The following ZNF516 variants were observed in gnomAD, a reference collection of about 807,000 sequenced individuals.
ZNF516 encodes zinc finger protein 516.
ZNF516 carries 19 observed loss-of-function variants against 79.7 expected under a neutral mutation model. The ratio of observed to expected loss-of-function variants is 0.24; its 90% CI spans 0.17 to 0.35. ZNF516 has a LOEUF of 0.35. Ranked by LOEUF, ZNF516 falls within the 10% of genes least tolerant of loss-of-function variation. ZNF516 has a pLI of 1.00. For missense variants in ZNF516, 1,678 were observed against 1,679.5 expected, an observed-to-expected ratio of 1.00 and a Z score of 0.02; for synonymous variants, 877 against 739.5, an observed-to-expected ratio of 1.19 and a Z score of -3.02.
At chr18:76,464,138 A>G (rs1181243611) in intron 1 of ZNF516, among the ~76,000 whole-genome samples, 1 of 152,000 alleles carries the variant, frequency 6.6e-6, no homozygotes, top group Non-Finnish European at 1.5e-5. Flanking sequence ...AGCCTGGCCA[A>G]CATGGTAAAA....
At chr18:76,400,310 G>C (rs1253869102) in intron 3 of ZNF516, among the ~76,000 whole-genome samples, 2 of 152,158 alleles carry the variant, frequency 1.3e-5, no homozygotes, top group African/African-American at 4.8e-5. Context: ...TTTCACAGAG[G>C]TTTATGTTAC....
chr18:76,442,554 C>G lies in ZNF516; in HGVS notation c.501G>C (p.Pro167=), dbSNP rs1911755606. 1 of 1,599,034 alleles carries G rather than the reference C, an allele frequency of 6.3e-7. No homozygotes were observed. The highest frequency in any genetic ancestry group is 8.5e-7 in the Non-Finnish European group (1 of 1,179,448). Residue 167 remains proline, a synonymous_variant, in exon 3 of 7, where the codon CCG becomes CCC. Coordinates refer to ENST00000443185, the MANE Select transcript of ZNF516 (RefSeq NM_014643.4). The stretch of plus-strand genomic sequence containing the variant: ...ACTGGACCGCTGCCTTGGCCTCCCC[C>G]GGGGCGCATGCGGACCCCTCTGCCC... The part of the protein sequence containing the change: ...KKGAEGSACA[P]GEAKAAVQCS...
chr18:76,460,805 G>T (rs1201484918), intron 2 of ZNF516, among the ~76,000 whole-genome samples: 1 of 152,324 alleles, frequency 6.6e-6, no homozygotes, highest in East Asian at 1.9e-4. Flanking sequence ...AACCGGAGAA[G>T]CCATGCCACA....
intron 3 of ZNF516, among the ~76,000 whole-genome samples, chr18:76,391,110 T>A (rs1042990860): frequency 3.9e-5 from 6 of 152,004 alleles, no homozygotes; most frequent in Non-Finnish European, 7.4e-5. Context: ...GGACAGAGAT[T>A]GCACAAAGAA....
chr18:76,398,130 C>T (rs1227137067), intron 3 of ZNF516, among the ~76,000 whole-genome samples: 5 of 152,160 alleles, frequency 3.3e-5, no homozygotes, highest in African/African-American at 9.6e-5. Context: ...TTCCTATTGA[C>T]TCAACCATAA....
At chr18:76,449,313 G>A (rs889548225) in intron 2 of ZNF516, among the ~76,000 whole-genome samples, 3 of 152,164 alleles carry the variant, frequency 2.0e-5, no homozygotes, top group African/African-American at 7.2e-5. Flanking sequence ...CCCTACTCCG[G>A]CCCAACAGCC....
intron 3 of ZNF516, among the ~76,000 whole-genome samples, chr18:76,432,395 G>A (rs925200254): frequency 1.3e-5 from 2 of 152,132 alleles, no homozygotes; most frequent in Non-Finnish European, 2.9e-5. Flanking sequence ...CCACCGCTAC[G>A]TTCTCACCCC....
intron 1 of ZNF516, among the ~76,000 whole-genome samples, chr18:76,469,557 A>G (rs1913704438): frequency 6.6e-6 from 1 of 152,198 alleles, no homozygotes; most frequent in South Asian, 2.1e-4. Context: ...GGGTTGGGAT[A>G]AGGGAGGAGA....
At chr18:76,463,806 G>T (rs193280956) in intron 1 of ZNF516, among the ~76,000 whole-genome samples, 8 of 152,300 alleles carry the variant, frequency 5.3e-5, no homozygotes. Flanking sequence ...ATTCCAAAGC[G>T]ATTTGACAGC....
In ZNF516 at chr18:76,442,340, C is replaced by G. The variant is rs12961584; in HGVS notation, c.715G>C (p.Gly239Arg). 20 of 1,610,424 alleles carry G rather than the reference C, an allele frequency of 1.2e-5. No homozygotes were observed. In the East Asian group the frequency reaches 2.0e-4, roughly 16 times the overall value. The change falls in exon 3 of 7, where the codon GGC (glycine) becomes CGC (arginine). Residue 239 changes from glycine to arginine, a missense_variant. Gly to Arg is a moderately radical substitution (Grantham distance 125). This residue lies in a region of ZNF516 where 279 missense variants were observed against 254.1 expected (regional missense o/e 1.10). Coordinates refer to ENST00000443185, the MANE Select transcript of ZNF516 (RefSeq NM_014643.4). ...PGSGEACVEN[G>R]KPELSPGEFP... is the part of the protein sequence containing the mutation. ...TCCCCGGGGCTCAGCTCGGGCTTGC[C>G]GTTCTCCACGCAGGCCTCGCCGCTG...
At chr18:76,385,154 C>G (rs1599159400) in intron 3 of ZNF516, among the ~76,000 whole-genome samples, 1 of 152,362 alleles carries the variant, frequency 6.6e-6, no homozygotes, top group Admixed American at 6.5e-5. Flanking sequence ...ACTATGGCTG[C>G]TCTGTCCTCG....
chr18:76,412,698 G>A (rs947417082), intron 3 of ZNF516, among the ~76,000 whole-genome samples: 2 of 152,222 alleles, frequency 1.3e-5, no homozygotes, highest in East Asian at 3.8e-4. Flanking sequence ...GTGGCCCCAC[G>A]TGACAAAGTG....
intron 3 of ZNF516, among the ~76,000 whole-genome samples, chr18:76,381,633 G>GCACT (rs2074894056): frequency 6.6e-6 from 1 of 152,208 alleles, no homozygotes; most frequent in African/African-American, 2.4e-5. Flanking sequence ...GTCACTGAAG[G>GCACT]CACTTGCCCA....
rs1249605291 is a variant in ZNF516, at chr18:76,359,958, C to A, written c.*2540G>T. On this transcript the variant is annotated 3_prime_UTR_variant, in exon 7 of 7. Transcript: ENST00000443185. ...CGATGGGTGGAAGGAAGGGACCACACATCCAGGCCTGCCCACAGCTGGCCT... is the reference window on the plus strand; with the variant it reads ...CGATGGGTGGAAGGAAGGGACCACAAATCCAGGCCTGCCCACAGCTGGCCT... 5 of 152,286 alleles carry A rather than the reference C, an allele frequency of 3.3e-5. No homozygotes were observed. The highest frequency in any genetic ancestry group is 4.8e-5 in the African/African-American group (2 of 41,470). The allele number at this position is 152,286 out of a possible 1,614,324, so 9.4% of individuals were successfully genotyped here. A position where few individuals can be genotyped will look rare whatever the true frequency, so the allele number is the denominator to read the frequency against.
At chr18:76,404,713 A>G (rs1361120976) in intron 3 of ZNF516, among the ~76,000 whole-genome samples, 1 of 145,828 alleles carries the variant, frequency 6.9e-6, no homozygotes, top group Admixed American at 7.0e-5. Flanking sequence ...GAGCATATGC[A>G]CGTGTGCATG....
In ZNF516 at chr18:76,443,082, C is replaced by T. The variant is rs764053774; in HGVS notation, c.-28G>A. 2.3e-5 allele frequency: 35 copies of T among 1,552,884 alleles called. No individual in the cohort carries two copies. Among genetic ancestry groups the T allele is most frequent in the Admixed American group, 3.9e-5 (2 of 51,558 alleles). On this transcript the variant is annotated 5_prime_UTR_variant, in exon 3 of 7. Transcript: ENST00000443185. ...GAAGGACGGGCGCGGCCGGTGGTGG[C>T]GGCACAGCTTTCTGTCGCGCGGGCT...
intron 3 of ZNF516, among the ~76,000 whole-genome samples, chr18:76,429,371 G>A (rs112984554): frequency 0.016 from 2,405 of 152,322 alleles, 29 homozygotes; most frequent in Middle Eastern, 0.041. Flanking sequence ...CTCTGAGACT[G>A]GACCTAGAGC....
intron 3 of ZNF516, among the ~76,000 whole-genome samples, chr18:76,414,619 T>C (rs990319211): frequency 1.2e-4 from 18 of 152,276 alleles, no homozygotes; most frequent in African/African-American, 4.3e-4. Context: ...CGAAGAAGGT[T>C]ACCTACTTCA....
chr18:76,423,589 TAAAAAGG>T, intron 3 of ZNF516, among the ~76,000 whole-genome samples: 1 of 41,284 alleles, frequency 2.4e-5, no homozygotes, highest in Non-Finnish European at 4.8e-5. Context: ...CACACACAGG[TAAAAAGG>T]CTTCACCCCT....
Sources: gnomAD v4.1 joint callset for allele counts (sites outside exome capture counted in the v4.1 genomes callset) on GRCh38, gnomAD v4.1.1 for gene constraint, gnomAD v4.1.1 regional missense constraint, MANE v1.5 for transcripts, NCBI Gene and HGNC (gene_info 2026-07-23, HGNC 2026-07-21) for gene names.